The following CNTN2 variants were observed in gnomAD, a reference collection of about 807,000 sequenced individuals.
The protein encoded by CNTN2 is contactin 2.
In CNTN2, 53 loss-of-function variants were observed where a neutral mutation model predicts 117.5. That is an observed-to-expected ratio of 0.45 (90% CI 0.36 to 0.57). CNTN2 has a LOEUF of 0.57. CNTN2 is among the 20% of genes least tolerant of loss of function. The pLI is 0.00. For missense variants in CNTN2, 1,106 were observed against 1,404.3 expected (o/e 0.79, Z 3.39); for synonymous variants, 530 against 561.7 (o/e 0.94, Z 0.80).
rs1553341462 is a variant in CNTN2 at position 205,044,460 on chromosome 1, G to GGGC, written c.-87+1068_-87+1069insCGG. Among the ~76,000 whole-genome samples the GGGC allele has an allele frequency of 3.5e-4, 46 of 130,032 alleles. 3 individuals carry two copies. Among genetic ancestry groups the GGGC allele is most frequent in the African/African-American group, 1.3e-3 (38 of 28,270 alleles). 85.3% of individuals were successfully genotyped at this position (130,032 alleles called of 152,430 possible). On this transcript the variant is annotated intron_variant, in intron 1 of 22. Transcript: ENST00000331830. Reference sequence around the variant, plus strand: ...CCCTGGGGGTTGAGCCTGTGTCCTGGGGGGGGGGGTCCAGTGAGGCCAGGA... The same window carrying GGGC: ...CCCTGGGGGTTGAGCCTGTGTCCTGGGGCGGGGGGGGGTCCAGTGAGGCCAGGA...
chr1:205,065,798 A>G lies in CNTN2; in HGVS notation c.1705A>G (p.Ile569Val), dbSNP rs767147357. ...HYRRTNVKET[I>V]GDLTILNAQL... Reference sequence around the variant, plus strand: ...CTGTCCCCGTGTGCAGAAGGAGACCATTGGGGATCTGACCATCCTGAACGC... The same window carrying G: ...CTGTCCCCGTGTGCAGAAGGAGACCGTTGGGGATCTGACCATCCTGAACGC... The change falls in exon 14 of 23, where the codon ATT becomes GTT. Residue 569 changes from isoleucine to valine, a missense_variant. Transcript: ENST00000331830. This position sits in a 1 kb window ranked among gnomAD's most constrained non-coding sequence, Gnocchi z 4.1. 6.9e-7 allele frequency: 1 copy of G among 1,450,192 alleles called. No individual in the cohort carries two copies. The highest frequency in any genetic ancestry group is 2.3e-5 in the East Asian group (1 of 43,968). The allele number at this position is 1,450,192 out of a possible 1,614,324, so 89.8% of individuals were successfully genotyped here.
chr1:205,046,530 C>G (rs12078373), intron 1 of CNTN2, among the ~76,000 whole-genome samples: 3 of 152,174 alleles, frequency 2.0e-5, no homozygotes, highest in Non-Finnish European at 4.4e-5. Context: ...TGAAGTTAAT[C>G]TGGACCCCAA....
chr1:205,064,847 G>A (rs1271757920), intron 12 of CNTN2, 97 bp downstream of exon 12: 4 of 1,528,570 alleles, frequency 2.6e-6, no homozygotes, highest in Non-Finnish European at 3.5e-6. Context: ...TCCTAGTTTG[G>A]TGTCAAGGCC....
Position 205,061,215 on chromosome 1 carries a change from C to T in CNTN2, c.798-30C>T, listed in dbSNP as rs759391848. On this transcript the variant is annotated intron_variant, in intron 7 of 22. Transcript: ENST00000331830. The surrounding 1 kb of genome is among the most constrained non-coding windows in gnomAD (Gnocchi z 4.8). ...CTGGAGGGGTAGGCCCAGCTCAGCC[C>T]ACACCCTCTGGCTTTGTCTCTCCTG... 2 of 1,584,224 alleles carry T rather than the reference C, an allele frequency of 1.3e-6. No individual in the cohort carries two copies. The highest frequency in any genetic ancestry group is 2.3e-5 in the South Asian group (2 of 87,564).
intron 15 of CNTN2, among the ~76,000 whole-genome samples, chr1:205,066,812 A>G (rs529972526): frequency 6.6e-6 from 1 of 152,260 alleles, no homozygotes; most frequent in East Asian, 1.9e-4. Context: ...GAGTTAGAAG[A>G]GGAGGCGCTT....
chr1:205,059,564 T>A lies in CNTN2; in HGVS notation c.698-19T>A. ...CCTGGAGTCATCTGCATCTGATTTGTAAAACCCTCTCTCCCCAGATACCCG... is the reference window on the plus strand; with the variant it reads ...CCTGGAGTCATCTGCATCTGATTTGAAAAACCCTCTCTCCCCAGATACCCG... On this transcript the variant is annotated intron_variant, in intron 6 of 22. Coordinates refer to ENST00000331830, the MANE Select transcript of CNTN2 (RefSeq NM_005076.5). This position sits in a 1 kb window ranked among gnomAD's most constrained non-coding sequence, Gnocchi z 5.6. The A allele has an allele frequency of 6.2e-7, 1 of 1,612,782 alleles. No individual in the cohort carries two copies. The highest frequency in any genetic ancestry group is 8.5e-7 in the Non-Finnish European group (1 of 1,178,832).
intron 21 of CNTN2, 121 bp downstream of exon 21, chr1:205,072,716 G>A: frequency 1.3e-6 from 1 of 748,512 alleles, no homozygotes; most frequent in Non-Finnish European, 2.3e-6. Context: ...CAAAGGGTTT[G>A]TGACTGTGAG....
Position 205,066,733 on chromosome 1 carries a change from T to C in CNTN2, c.1975+134T>C. On this transcript the variant is annotated intron_variant, in intron 15 of 22. Coordinates refer to ENST00000331830, the MANE Select transcript of CNTN2 (RefSeq NM_005076.5). ...GAGCTTCAAAGAGGGACAAGATCTGTCCTCTGCCAGCAGAGAGCATGCAGG... is the reference window on the plus strand; with the variant it reads ...GAGCTTCAAAGAGGGACAAGATCTGCCCTCTGCCAGCAGAGAGCATGCAGG... 2.8e-6 allele frequency: 3 copies of C among 1,054,744 alleles called. 1 individual carries two copies. The Middle Eastern group carries it at 6.7e-4, about 234-fold the overall frequency. The allele number at this position is 1,054,744 out of a possible 1,614,324, so 65.3% of individuals were successfully genotyped here. A position where few individuals can be genotyped will look rare whatever the true frequency, so the allele number is the denominator to read the frequency against.
At chr1:205,072,962 C>A in intron 21 of CNTN2, 106 bp from the exon 22 acceptor site, 1 of 1,269,502 alleles carries the variant, frequency 7.9e-7, no homozygotes, top group Admixed American at 2.3e-5. Context: ...GGCTGGACCT[C>A]AAGAGCCCAG....
intron 18 of CNTN2, 43 bp downstream of exon 18, chr1:205,070,104 C>T (rs772546132): frequency 4.4e-6 from 7 of 1,586,572 alleles, no homozygotes; most frequent in Non-Finnish European, 6.0e-6. Context: ...ACCCCAGCCA[C>T]TTGTCCACAG....
intron 1 of CNTN2, among the ~76,000 whole-genome samples, chr1:205,044,351 G>A (rs1037343016): frequency 5.3e-5 from 8 of 152,054 alleles, no homozygotes; most frequent in Admixed American, 1.3e-4. Flanking sequence ...GGGAAGCAGC[G>A]GGGCATGGAG....
chr1:205,053,520 A>G (rs144770117), intron 2 of CNTN2, among the ~76,000 whole-genome samples: 4 of 152,330 alleles, frequency 2.6e-5, no homozygotes, highest in Non-Finnish European at 4.4e-5. Flanking sequence ...TAGGTCACAC[A>G]GCAAGATGAT....
At chr1:205,053,911 G>A (rs984753212) in intron 2 of CNTN2, among the ~76,000 whole-genome samples, 1 of 152,176 alleles carries the variant, frequency 6.6e-6, no homozygotes, top group African/African-American at 2.4e-5. Context: ...CTCCTCCCAG[G>A]GGAGCTTCCA....
In CNTN2 at chr1:205,066,484, C is replaced by T. The variant is rs149350213; in HGVS notation, c.1860C>T (p.Gly620=). Residue 620 remains glycine, a synonymous_variant, in exon 15 of 23, where the codon GGC becomes GGT. Transcript: ENST00000331830. ...GAGGTGTGGTGGTGAGGGACATTGGCGACACCACCATCCAGCTCAGCTGGA... is the reference window on the plus strand; with the variant it reads ...GAGGTGTGGTGGTGAGGGACATTGGTGACACCACCATCCAGCTCAGCTGGA... ...PPGGVVVRDI[G]DTTIQLSWSR... is the part of the protein sequence containing the mutation. 55 of 1,614,020 alleles carry T rather than the reference C, an allele frequency of 3.4e-5. No individual in the cohort carries two copies. The highest frequency in any genetic ancestry group is 3.3e-4 in the Middle Eastern group (2 of 6,062).
In CNTN2 at chr1:205,073,260, T is replaced by TCC; in HGVS notation, c.3013+27_3013+28dup. 6.2e-7 allele frequency: 1 copy of TCC among 1,610,240 alleles called. No homozygotes were observed. Among genetic ancestry groups the TCC allele is most frequent in the Non-Finnish European group, 8.5e-7 (1 of 1,177,756 alleles). ...AGGTGCTGCTCCTCCCCTACCCTTA[T>TCC]CCCCTCGAGAGATTCAGGATCCACC... On this transcript the variant is annotated intron_variant, in intron 22 of 22. Transcript: ENST00000331830. The surrounding 1 kb of genome is among the most constrained non-coding windows in gnomAD (Gnocchi z 6.3).
In CNTN2 at chr1:205,073,170, C is replaced by T; in HGVS notation, c.2947C>T (p.Gln983Ter). 1 of 1,614,126 alleles carries T rather than the reference C, an allele frequency of 6.2e-7. No individual in the cohort carries two copies. The stretch of plus-strand genomic sequence containing the variant: ...TGAAGACATTGGCCATGCCCTGGTA[C>T]AAATTCGGACCACAGGGCCCGGAGG... ...VPEDIGHALV[Q>*]IRTTGPGGDG... The change falls in exon 22 of 23, where the codon CAA becomes TAA. Residue 983 changes from glutamine to a stop codon, truncating the protein, a stop_gained. Transcript: ENST00000331830. LOFTEE classifies it high-confidence loss of function. This position sits in a 1 kb window ranked among gnomAD's most constrained non-coding sequence, Gnocchi z 6.3.
chr1:205,073,071 C>A lies in CNTN2; in HGVS notation c.2848C>A (p.Leu950Met), dbSNP rs763859843. Residue 950 changes from leucine (L) to methionine (M), a missense_variant, in exon 22 of 23, where the codon CTG becomes ATG. By Grantham distance (15) the Leu-to-Met change is conservative. Coordinates refer to ENST00000331830, the MANE Select transcript of CNTN2 (RefSeq NM_005076.5). The surrounding 1 kb of genome is among the most constrained non-coding windows in gnomAD (Gnocchi z 6.3). ...NESAVTGYKM[L>M]YQNDLHLTPT... Reference sequence around the variant, plus strand: ...CCTGGAAACCTCCTTCCCACAGATGCTGTACCAGAATGACTTACACCTGAC... The same window carrying A: ...CCTGGAAACCTCCTTCCCACAGATGATGTACCAGAATGACTTACACCTGAC... 4 of 1,614,056 alleles carry A rather than the reference C, an allele frequency of 2.5e-6. No homozygotes were observed. Among genetic ancestry groups the A allele is most frequent in the Non-Finnish European group, 3.4e-6 (4 of 1,179,974 alleles).
intron 1 of CNTN2, among the ~76,000 whole-genome samples, chr1:205,047,933 G>A (rs1428635901): frequency 6.6e-6 from 1 of 152,168 alleles, no homozygotes; most frequent in African/African-American, 2.4e-5. Context: ...AGTAACGACT[G>A]TGATAACCAG....
rs1009461344 is a variant in CNTN2, at chr1:205,069,495, C to T, written c.2130C>T (p.Pro710=). Reference sequence around the variant, plus strand: ...GTGTCCCTTGGCCCTTGACAGCCCCCTCGGTGGCACCCTCAGGACTCAGCG... The same window carrying T: ...GTGTCCCTTGGCCCTTGACAGCCCCTTCGGTGGCACCCTCAGGACTCAGCG... ...SSKIRTREAA[P]SVAPSGLSGG... is the part of the protein sequence containing the mutation. Residue 710 remains proline (P), a synonymous_variant, in exon 17 of 23, where the codon CCC becomes CCT. Coordinates refer to ENST00000331830, the MANE Select transcript of CNTN2 (RefSeq NM_005076.5). 4.3e-6 allele frequency: 7 copies of T among 1,614,130 alleles called. No individual in the cohort carries two copies. Among genetic ancestry groups the T allele is most frequent in the Non-Finnish European group, 5.9e-6 (7 of 1,180,004 alleles).
Sources: allele counts gnomAD v4.1 joint callset (sites outside exome capture counted in the v4.1 genomes callset), GRCh38; gene constraint gnomAD v4.1.1; non-coding constraint Gnocchi (gnomAD v3.1); transcripts MANE v1.5; gene names NCBI Gene and HGNC (gene_info 2026-07-23, HGNC 2026-07-21).